The following LAMC1 variants were observed in gnomAD, a reference collection of about 807,000 sequenced individuals.
LAMC1 encodes laminin subunit gamma-1.
LAMC1 carries 38 observed loss-of-function variants against 173.6 expected under a neutral mutation model. The ratio of observed to expected loss-of-function variants is 0.22; its 90% confidence interval spans 0.17 to 0.29. LAMC1 has a LOEUF of 0.29. Ranked by LOEUF, LAMC1 falls within the 10% of genes least tolerant of loss-of-function variation. The pLI, the probability that LAMC1 is intolerant of heterozygous loss-of-function variation, is 1.00. For missense variants in LAMC1, 1,824 were observed against 2,051.8 expected (o/e 0.89, Z 2.14); for synonymous variants, 746 against 749.1 (o/e 1.00, Z 0.07).
At chr1:183,100,344 A>G (rs1325423019) in intron 1 of LAMC1, among the ~76,000 whole-genome samples, 1 of 152,234 alleles carries the variant, frequency 6.6e-6, no homozygotes, top group Non-Finnish European at 1.5e-5. Context: ...TTCTGGTTTA[A>G]TGCCTTCAGT....
intron 1 of LAMC1, among the ~76,000 whole-genome samples, chr1:183,064,097 A>G (rs547466691): frequency 6.6e-6 from 1 of 152,344 alleles, no homozygotes; most frequent in South Asian, 2.1e-4. Context: ...ACTATGACCA[A>G]GTACAGGCAC....
At chr1:183,030,066 A>G (rs1338460572) in intron 1 of LAMC1, among the ~76,000 whole-genome samples, 1 of 151,808 alleles carries the variant, frequency 6.6e-6, no homozygotes. Flanking sequence ...AGAAAAAATC[A>G]GAAGAATAAT....
In LAMC1 at chr1:183,061,184, C is replaced by T. The variant is rs1031861619; in HGVS notation, c.418+37050C>T. Among the ~76,000 whole-genome samples, 3 of 152,294 alleles carry T rather than the reference C, an allele frequency of 2.0e-5. No individual in the cohort carries two copies. The East Asian group carries it at 5.8e-4, about 29-fold the overall frequency. On this transcript the variant is annotated intron_variant, in intron 1 of 27. Transcript: ENST00000258341. ...GGCAAACCAGTTCACTTTTAGATAT[C>T]TCACATTTTGGTGTGCCAAGGTTCC...
chr1:183,029,447 A>G (rs1313986815), intron 1 of LAMC1, among the ~76,000 whole-genome samples: 1 of 152,208 alleles, frequency 6.6e-6, no homozygotes, highest in Non-Finnish European at 1.5e-5. Context: ...AAATCTGATC[A>G]TACAATTTTG....
intron 1 of LAMC1, among the ~76,000 whole-genome samples, chr1:183,093,320 T>G (rs1655611951): frequency 6.6e-6 from 1 of 152,194 alleles, no homozygotes; most frequent in African/African-American, 2.4e-5. Context: ...GTCTTTATCT[T>G]TCTTAGCATT....
intron 1 of LAMC1, among the ~76,000 whole-genome samples, chr1:183,101,545 A>T (rs1655834478): frequency 6.6e-6 from 1 of 151,708 alleles, no homozygotes; most frequent in Admixed American, 6.6e-5. Flanking sequence ...CAGTTCAGGG[A>T]TTTTCTTTAT....
chr1:183,060,823 T>C (rs1161461030), intron 1 of LAMC1, among the ~76,000 whole-genome samples: 2 of 152,188 alleles, frequency 1.3e-5, no homozygotes, highest in Non-Finnish European at 2.9e-5. Flanking sequence ...GGATGCAAAA[T>C]CAGTGCTATT....
intron 1 of LAMC1, among the ~76,000 whole-genome samples, chr1:183,049,463 G>T (rs6655931): frequency 4.2e-5 from 6 of 143,582 alleles, no homozygotes; most frequent in Non-Finnish European, 4.6e-5. Flanking sequence ...AGGTTTTTTT[G>T]TTTTTTTTTT....
At chr1:183,051,894 TGAAG>T (rs900476838) in intron 1 of LAMC1, among the ~76,000 whole-genome samples, 13 of 152,194 alleles carry the variant, frequency 8.5e-5, no homozygotes, top group Non-Finnish European at 1.9e-4. Flanking sequence ...GTGTGTCTAA[TGAAG>T]GGAAGACAGG....
intron 1 of LAMC1, among the ~76,000 whole-genome samples, chr1:183,063,878 C>G (rs564758898): frequency 6.6e-6 from 1 of 152,160 alleles, no homozygotes; most frequent in Non-Finnish European, 1.5e-5. Context: ...GCTCATCCAT[C>G]GTAATTGATA....
intron 1 of LAMC1, among the ~76,000 whole-genome samples, chr1:183,026,999 C>T (rs1653704746): frequency 6.6e-6 from 1 of 152,140 alleles, no homozygotes; most frequent in African/African-American, 2.4e-5. Context: ...TTCATGCATA[C>T]ACATGTGTAT....
At position 183,045,102 on chromosome 1, in the gene LAMC1, A is replaced by G. The variant is rs567400739; in HGVS notation, c.418+20968A>G. Among the ~76,000 whole-genome samples, 73 of 150,762 alleles carry G rather than the reference A, an allele frequency of 4.8e-4. 1 individual carries two copies. The highest frequency in any genetic ancestry group is 1.7e-3 in the African/African-American group (69 of 41,328). Reference sequence around the variant, plus strand: ...TAATTACCAAGTGCTCACCAGTAACAACTAGAATCTTCTCAGTAGGTTTTT... The same window carrying G: ...TAATTACCAAGTGCTCACCAGTAACGACTAGAATCTTCTCAGTAGGTTTTT... On this transcript the variant is annotated intron_variant, in intron 1 of 27. Coordinates refer to ENST00000258341, the MANE Select transcript of LAMC1 (RefSeq NM_002293.4).
At position 183,124,637 on chromosome 1, in the gene LAMC1, G is replaced by C. The variant is rs751834826; in HGVS notation, c.2408G>C (p.Arg803Thr). The C allele has an allele frequency of 1.2e-6, 2 of 1,614,226 alleles. No homozygotes were observed. Among genetic ancestry groups the C allele is most frequent in the Non-Finnish European group, 1.7e-6 (2 of 1,180,040 alleles). The change falls in exon 14 of 28, where the codon AGA (arginine) becomes ACA (threonine). Residue 803 changes from arginine (R) to threonine (T), a missense_variant. Coordinates refer to ENST00000258341, the MANE Select transcript of LAMC1 (RefSeq NM_002293.4). The stretch of plus-strand genomic sequence containing the variant: ...CAGATTGTCTCATCCCCAGGTAAGA[G>C]ATGTGAGCTCTGTGATGATGGCTAC... ...TNCPTGTTGK[R>T]CELCDDGYFG...
intron 1 of LAMC1, among the ~76,000 whole-genome samples, chr1:183,088,943 T>C (rs1434258010): frequency 1.3e-5 from 2 of 152,240 alleles, no homozygotes; most frequent in Non-Finnish European, 2.9e-5. Context: ...TCCAGACTTA[T>C]GGATGCCTTG....
At chr1:183,049,046 T>A (rs994135404) in intron 1 of LAMC1, among the ~76,000 whole-genome samples, 2 of 152,242 alleles carry the variant, frequency 1.3e-5, no homozygotes, top group Admixed American at 6.5e-5. Context: ...TCTTTGCATC[T>A]AATGTGTACT....
chr1:183,055,471 T>C (rs1410244426), intron 1 of LAMC1, among the ~76,000 whole-genome samples: 1 of 142,796 alleles, frequency 7.0e-6, no homozygotes, highest in Non-Finnish European at 1.6e-5. Flanking sequence ...TACCCTATTG[T>C]GTAAAAAAAA....
At chr1:183,137,858 C>T (rs1406259665) in intron 26 of LAMC1, 31 bp downstream of exon 26, 1 of 1,566,480 alleles carries the variant, frequency 6.4e-7, no homozygotes, top group South Asian at 1.2e-5. Flanking sequence ...TGCTCATTGG[C>T]AGAAAGTGAA....
At position 183,136,423 on chromosome 1, in the gene LAMC1, A is replaced by G. The variant is rs781073776; in HGVS notation, c.4152A>G (p.Ala1384=). ...GTGTGAACGATAACAAGACGGCCGC[A>G]GAGGAGGCACTAAGGAAGATTCCTG... is the stretch of plus-strand genomic sequence containing the variant. ...DRRVNDNKTA[A]EEALRKIPAI... Residue 1384 remains alanine, a synonymous_variant, in exon 25 of 28, where the codon GCA becomes GCG. Coordinates refer to ENST00000258341, the MANE Select transcript of LAMC1 (RefSeq NM_002293.4). 4.8e-5 allele frequency: 78 copies of G among 1,614,104 alleles called. No individual in the cohort carries two copies. Among genetic ancestry groups the G allele is most frequent in the Non-Finnish European group, 6.6e-5 (78 of 1,180,040 alleles).
chr1:183,130,640 T>A, intron 19 of LAMC1, 91 bp downstream of exon 19: 2 of 927,794 alleles, frequency 2.2e-6, no homozygotes, highest in Non-Finnish European at 3.4e-6. Context: ...CTTCTTCAAC[T>A]AAATTGACTC....
Sources: gnomAD v4.1 joint callset for allele counts (sites outside exome capture counted in the v4.1 genomes callset) on GRCh38, gnomAD v4.1.1 for gene constraint, MANE v1.5 for transcripts, NCBI Gene and HGNC (gene_info 2026-07-23, HGNC 2026-07-21) for gene names.